TBXAS1: variants seen among roughly 807,000 people sequenced by gnomAD.
TBXAS1 encodes the protein thromboxane A synthase 1.
In TBXAS1, 48 loss-of-function variants were observed where a neutral mutation model predicts 60.7. The observed-to-expected ratio is 0.79, with a 90% CI of 0.63 to 1.01. TBXAS1 has a LOEUF of 1.01. Ranked by LOEUF, TBXAS1 falls within the 50% of genes least tolerant of loss-of-function variation. The probability of loss-of-function intolerance (pLI) is 0.00; values close to 1 mark genes in which losing one functional copy is unlikely to be tolerated. For synonymous variants in TBXAS1, 287 were observed against 269.7 expected, an observed-to-expected ratio of 1.06 and a Z score of -0.63; for missense variants, 685 against 686.3, an observed-to-expected ratio of 1.00 and a Z score of 0.02.
At chr7:139,959,519 T>C (rs907103486) in intron 8 of TBXAS1, among the ~76,000 whole-genome samples, 3 of 152,110 alleles carry the variant, frequency 2.0e-5, no homozygotes, top group Non-Finnish European at 4.4e-5. Flanking sequence ...AAGAAACCCA[T>C]CTATACTAAT....
chr7:139,969,486 G>A (rs963574934), intron 9 of TBXAS1, among the ~76,000 whole-genome samples: 9 of 137,300 alleles, frequency 6.6e-5, no homozygotes, highest in Admixed American at 1.5e-4. Flanking sequence ...AAAAAAAGCC[G>A]TTTTACCCCC....
chr7:139,871,594 A>G (rs978478356), intron 1 of TBXAS1, among the ~76,000 whole-genome samples: 1 of 152,188 alleles, frequency 6.6e-6, no homozygotes, highest in African/African-American at 2.4e-5. Context: ...CTGTCGGACC[A>G]CGCTTCCTGA....
chr7:139,925,586 G>C (rs1181059835), intron 4 of TBXAS1, among the ~76,000 whole-genome samples: 1 of 152,126 alleles, frequency 6.6e-6, no homozygotes, highest in Non-Finnish European at 1.5e-5. Flanking sequence ...CATATCATCT[G>C]CAAACAAAGA....
intron 5 of TBXAS1, among the ~76,000 whole-genome samples, chr7:139,949,114 G>GACCC (rs1213360453): frequency 6.6e-6 from 1 of 152,188 alleles, no homozygotes; most frequent in Non-Finnish European, 1.5e-5. Flanking sequence ...GCACGTAGAA[G>GACCC]ACCCGATGGT....
intron 9 of TBXAS1, among the ~76,000 whole-genome samples, chr7:139,990,833 C>T (rs1049959123): frequency 2.0e-4 from 31 of 152,156 alleles, no homozygotes; most frequent in Non-Finnish European, 4.0e-4. Context: ...TCAGGACTTC[C>T]CTCCTGTGGC....
chr7:139,887,870 C>T (rs541313622), intron 3 of TBXAS1, among the ~76,000 whole-genome samples: 1 of 152,336 alleles, frequency 6.6e-6, no homozygotes, highest in East Asian at 1.9e-4. Context: ...AGTGACCATA[C>T]CATTTCACCT....
chr7:140,015,588 TC>T, intron 10 of TBXAS1, 134 bp from the exon 11 acceptor site: 1 of 1,046,136 alleles, frequency 9.6e-7, no homozygotes, highest in Non-Finnish European at 1.4e-6. Context: ...GGGTCCTCTG[TC>T]CCCAGCCTCA....
intron 9 of TBXAS1, among the ~76,000 whole-genome samples, chr7:139,977,769 G>T (rs1811668875): frequency 6.6e-6 from 1 of 152,134 alleles, no homozygotes; most frequent in Non-Finnish European, 1.5e-5. Flanking sequence ...CCTGAAAGAT[G>T]CTACCGATGG....
intron 9 of TBXAS1, among the ~76,000 whole-genome samples, chr7:139,971,172 C>T (rs1811164979): frequency 6.6e-6 from 1 of 152,174 alleles, no homozygotes; most frequent in African/African-American, 2.4e-5. Context: ...GAAGTAGCAT[C>T]CCGACCACTA....
At chr7:139,904,733 T>A (rs1169552191) in intron 3 of TBXAS1, among the ~76,000 whole-genome samples, 1 of 152,230 alleles carries the variant, frequency 6.6e-6, no homozygotes, top group Non-Finnish European at 1.5e-5. Flanking sequence ...GAGTTCTTGA[T>A]TTGATTCTCT....
At chr7:139,927,877 C>A (rs1807016833) in intron 4 of TBXAS1, among the ~76,000 whole-genome samples, 1 of 152,040 alleles carries the variant, frequency 6.6e-6, no homozygotes, top group South Asian at 2.1e-4. Context: ...TTTTTAAGCT[C>A]AATATTGAAT....
chr7:139,802,276 T>G (rs1204921653), intron 4 of TBXAS1, among the ~76,000 whole-genome samples: 6 of 152,248 alleles, frequency 3.9e-5, no homozygotes, highest in Non-Finnish European at 8.8e-5. Context: ...GAGTGCTACG[T>G]GTATCCATTT....
chr7:139,850,447 C>G (rs984813202), intron 1 of TBXAS1, among the ~76,000 whole-genome samples: 1 of 152,240 alleles, frequency 6.6e-6, no homozygotes, highest in South Asian at 2.1e-4. Context: ...CTCACATCCT[C>G]TGTGACCCTA....
chr7:140,005,939 G>A (rs572291491), intron 9 of TBXAS1, among the ~76,000 whole-genome samples: 73 of 152,264 alleles, frequency 4.8e-4, no homozygotes, highest in African/African-American at 1.6e-3. Context: ...TGCCCATCCC[G>A]GAGCTCACTT....
intron 4 of TBXAS1, among the ~76,000 whole-genome samples, chr7:139,926,575 A>C (rs1806893734): frequency 6.6e-6 from 1 of 151,798 alleles, no homozygotes; most frequent in Non-Finnish European, 1.5e-5. Flanking sequence ...TTTTCAAAAA[A>C]CCAACTTTTT....
rs76842132 is a variant in TBXAS1 at position 139,938,743 on chromosome 7, C to T, written c.450+2436C>T. 2.0e-3 allele frequency among the ~76,000 whole-genome samples: 299 copies of T among 151,980 alleles called. 9 individuals are homozygous for T. In the East Asian group the frequency reaches 0.04, roughly 20 times the overall value. On this transcript the variant is annotated intron_variant, in intron 5 of 12. Transcript: ENST00000448866. Reference sequence around the variant, plus strand: ...ATTCAAAAGCAATGGCTTCATGGCACTATAGAAGTAGAAAGAACCTCATGT... The same window carrying T: ...ATTCAAAAGCAATGGCTTCATGGCATTATAGAAGTAGAAAGAACCTCATGT...
chr7:139,844,007 G>A (rs1417076499), intron 1 of TBXAS1, among the ~76,000 whole-genome samples: 1 of 152,242 alleles, frequency 6.6e-6, no homozygotes, highest in Non-Finnish European at 1.5e-5. Context: ...TTTCTAGGCT[G>A]TGAGCTGGTT....
chr7:139,930,329 G>T (rs1250737555), intron 4 of TBXAS1, among the ~76,000 whole-genome samples: 1 of 152,164 alleles, frequency 6.6e-6, no homozygotes, highest in Non-Finnish European at 1.5e-5. Flanking sequence ...TGTTCACAGA[G>T]GTATCCTCAG....
chr7:139,900,090 T>C (rs1026400153), intron 3 of TBXAS1, among the ~76,000 whole-genome samples: 2 of 152,228 alleles, frequency 1.3e-5, no homozygotes, highest in African/African-American at 2.4e-5. Flanking sequence ...CTAACGATTG[T>C]TGTTAATCTC....
Sources: allele counts gnomAD v4.1 joint callset (sites outside exome capture counted in the v4.1 genomes callset), GRCh38; gene constraint gnomAD v4.1.1; transcripts MANE v1.5; gene names NCBI Gene and HGNC (gene_info 2026-07-23, HGNC 2026-07-21).